The following MALRD1 variants were observed in gnomAD, a reference collection of about 807,000 sequenced individuals.
MALRD1 encodes MAM and LDL-receptor class A domain-containing protein 1.
In MALRD1, 247 loss-of-function variants were observed where a neutral mutation model predicts 242.1. The ratio of observed to expected loss-of-function variants is 1.02; its 90% CI spans 0.92 to 1.13. MALRD1 has a LOEUF of 1.13. Among genes scored for constraint, MALRD1 ranks in the 50% most tolerant of loss-of-function variants. The probability of loss-of-function intolerance (pLI) is 0.00; values close to 1 mark genes in which losing one functional copy is unlikely to be tolerated. For synonymous variants in MALRD1, 995 were observed against 866.6 expected (o/e 1.15, Z -2.60); for missense variants, 2,989 against 2,533.1 (o/e 1.18, Z -3.86).
intron 20 of MALRD1, 127 bp downstream of exon 20, chr10:19,280,350 G>T: frequency 1.6e-6 from 1 of 637,332 alleles, no homozygotes. Flanking sequence ...ACTTCTAAAT[G>T]TAACAGTTAT....
At chr10:19,442,369 G>A (rs1352527232) in intron 28 of MALRD1, among the ~76,000 whole-genome samples, 1 of 152,088 alleles carries the variant, frequency 6.6e-6, no homozygotes, top group Non-Finnish European at 1.5e-5. Context: ...AATAGGAGTG[G>A]TGAGAGAGGG....
intron 18 of MALRD1, among the ~76,000 whole-genome samples, chr10:19,221,342 A>G (rs1648698044): frequency 6.6e-6 from 1 of 152,148 alleles, no homozygotes; most frequent in Non-Finnish European, 1.5e-5. Flanking sequence ...AACTTCATGG[A>G]ACATTTTTCT....
intron 13 of MALRD1, among the ~76,000 whole-genome samples, chr10:19,166,721 T>C (rs1488986510): frequency 1.3e-5 from 2 of 152,286 alleles, no homozygotes; most frequent in East Asian, 3.9e-4. Flanking sequence ...ATTAATAAAA[T>C]ATAATAATAA....
intron 18 of MALRD1, among the ~76,000 whole-genome samples, chr10:19,248,293 G>T (rs1416833021): frequency 6.6e-6 from 1 of 150,982 alleles, no homozygotes; most frequent in Non-Finnish European, 1.5e-5. Context: ...AATCTAAATT[G>T]AAAAAAGTGT....
intron 14 of MALRD1, among the ~76,000 whole-genome samples, chr10:19,187,172 A>G (rs1164645529): frequency 6.6e-6 from 1 of 152,238 alleles, no homozygotes; most frequent in Non-Finnish European, 1.5e-5. Flanking sequence ...AAACTAATTT[A>G]TAGCTCTGTA....
intron 18 of MALRD1, among the ~76,000 whole-genome samples, chr10:19,230,544 T>C (rs1838005366): frequency 6.6e-6 from 1 of 152,148 alleles, no homozygotes; most frequent in Non-Finnish European, 1.5e-5. Context: ...ACTCATTCAT[T>C]ACCAAGAGGA....
At chr10:19,611,307 A>G (rs1196176041) in intron 35 of MALRD1, among the ~76,000 whole-genome samples, 1 of 151,972 alleles carries the variant, frequency 6.6e-6, no homozygotes, top group Non-Finnish European at 1.5e-5. Flanking sequence ...GCAAACTAGT[A>G]TATAGCACCT....
intron 21 of MALRD1, among the ~76,000 whole-genome samples, chr10:19,311,377 A>G (rs1022333574): frequency 6.6e-6 from 1 of 151,480 alleles, no homozygotes; most frequent in African/African-American, 2.4e-5. Flanking sequence ...TCTCATATCT[A>G]CTTTAAAGTA....
At chr10:19,605,736 T>G (rs74122018) in intron 34 of MALRD1, among the ~76,000 whole-genome samples, 3,727 of 152,194 alleles carry the variant, frequency 0.024, 164 homozygotes, top group African/African-American at 0.085. Context: ...TATAAATGCT[T>G]ATCTACAACA....
At chr10:19,593,258 A>ATC (rs1411271638) in intron 33 of MALRD1, among the ~76,000 whole-genome samples, 1 of 152,188 alleles carries the variant, frequency 6.6e-6, no homozygotes, top group East Asian at 1.9e-4. Flanking sequence ...TCATACATTT[A>ATC]TCTCTCTCCT....
At chr10:19,555,815 G>T (rs1159050658) in intron 32 of MALRD1, among the ~76,000 whole-genome samples, 1 of 152,140 alleles carries the variant, frequency 6.6e-6, no homozygotes, top group Non-Finnish European at 1.5e-5. Flanking sequence ...TAAAGATTGA[G>T]TTGGGGAAAG....
chr10:19,237,936 A>C (rs1419739763), intron 18 of MALRD1, among the ~76,000 whole-genome samples: 2 of 23,500 alleles, frequency 8.5e-5, no homozygotes, highest in African/African-American at 6.8e-4. Context: ...ATGTAATTTT[A>C]TACAGTTATA....
chr10:19,325,890 G>T (rs1446574885), intron 22 of MALRD1, among the ~76,000 whole-genome samples: 1 of 152,086 alleles, frequency 6.6e-6, no homozygotes, highest in African/African-American at 2.4e-5. Flanking sequence ...CCGAAAGGTT[G>T]ATTGCAATAT....
chr10:19,634,720 A>T (rs2131661538), intron 36 of MALRD1, among the ~76,000 whole-genome samples: 1 of 152,232 alleles, frequency 6.6e-6, no homozygotes, highest in Admixed American at 6.5e-5. Context: ...AGGGACCTCA[A>T]CGTGGTTGCA....
chr10:19,714,001 C>T (rs1834263356), intron 38 of MALRD1, among the ~76,000 whole-genome samples: 1 of 152,032 alleles, frequency 6.6e-6, no homozygotes, highest in Non-Finnish European at 1.5e-5. Flanking sequence ...TGTGGGGATC[C>T]GACCCCATGG....
chr10:19,055,976 T>C (rs967317105), intron 1 of MALRD1, among the ~76,000 whole-genome samples: 2 of 152,214 alleles, frequency 1.3e-5, no homozygotes, highest in Non-Finnish European at 2.9e-5. Flanking sequence ...CTTGCACATG[T>C]ACCCTTGAAC....
At position 19,300,605 on chromosome 10, in the gene MALRD1, G is replaced by A. The variant is rs142804286; in HGVS notation, c.3419+17424G>A. On this transcript the variant is annotated intron_variant, in intron 21 of 39. Transcript: ENST00000454679. ...ACAAAATTGACAATAAAAAGCAATGGGGAAAGGACTCCCCTAGTCAATAAA... is the reference window on the plus strand; with the variant it reads ...ACAAAATTGACAATAAAAAGCAATGAGGAAAGGACTCCCCTAGTCAATAAA... Among the ~76,000 whole-genome samples, 432 of 151,998 alleles carry A rather than the reference G, an allele frequency of 2.8e-3. 1 individual carries two copies. Among genetic ancestry groups the A allele is most frequent in the African/African-American group, 9.8e-3 (408 of 41,486 alleles).
chr10:19,293,891 C>G (rs946548389), intron 21 of MALRD1, among the ~76,000 whole-genome samples: 1 of 152,108 alleles, frequency 6.6e-6, no homozygotes, highest in Non-Finnish European at 1.5e-5. Context: ...TGCACATGTA[C>G]CCCTGAACCT....
chr10:19,733,464 A>G (rs1431966444), intron 39 of MALRD1, among the ~76,000 whole-genome samples: 2 of 152,134 alleles, frequency 1.3e-5, no homozygotes, highest in Non-Finnish European at 2.9e-5. Flanking sequence ...GAGGCCATCA[A>G]ACATTCAGTA....
Sources: gnomAD v4.1 joint callset for allele counts (sites outside exome capture counted in the v4.1 genomes callset) on GRCh38, gnomAD v4.1.1 for gene constraint, MANE v1.5 for transcripts, NCBI Gene and HGNC (gene_info 2026-07-23, HGNC 2026-07-21) for gene names.